The following ARHGAP6 variants were observed in gnomAD, a reference collection of about 807,000 sequenced individuals.
ARHGAP6 encodes rho GTPase-activating protein 6.
ARHGAP6 carries 16 observed loss-of-function variants against 55.7 expected under a neutral mutation model. The observed-to-expected ratio is 0.29, with a 90% CI of 0.19 to 0.44. The LOEUF is 0.44. Ranked by LOEUF, ARHGAP6 falls within the 20% of genes least tolerant of loss-of-function variation. The pLI, the probability that ARHGAP6 is intolerant of heterozygous loss-of-function variation, is 1.00. For synonymous variants in ARHGAP6, 382 were observed against 360.9 expected (o/e 1.06, Z -0.66); for missense variants, 698 against 808.9 (o/e 0.86, Z 1.66).
intron 2 of ARHGAP6, among the ~76,000 whole-genome samples, chrX:11,205,062 T>C (rs1602857676): frequency 9.0e-6 from 1 of 111,626 alleles, no homozygotes; most frequent in Admixed American, 9.5e-5. Context: ...AAGAAGTTAG[T>C]TGATCTTTCT....
chrX:11,233,467 T>C (rs1042836265), intron 2 of ARHGAP6, among the ~76,000 whole-genome samples: 1 of 111,094 alleles, frequency 9.0e-6, no homozygotes, highest in African/African-American at 3.3e-5. Context: ...CAGAGAAAGA[T>C]GTCTTATAGA....
chrX:11,606,484 C>A (rs754196755), intron 1 of ARHGAP6, among the ~76,000 whole-genome samples: 1 of 111,657 alleles, frequency 9.0e-6, no homozygotes, highest in East Asian at 2.8e-4. Flanking sequence ...CCATGCAGAT[C>A]CAAGGGTCTT....
At chrX:11,360,208 G>A (rs967017266) in intron 1 of ARHGAP6, among the ~76,000 whole-genome samples, 1 of 111,707 alleles carries the variant, frequency 9.0e-6, no homozygotes, top group Non-Finnish European at 1.9e-5. Context: ...AACCAACAAA[G>A]AGAATTTTAG....
intron 1 of ARHGAP6, among the ~76,000 whole-genome samples, chrX:11,355,931 C>A (rs2048925161): frequency 9.0e-6 from 1 of 111,110 alleles, no homozygotes; most frequent in African/African-American, 3.3e-5. Flanking sequence ...AGGCTCAAAC[C>A]AAACTTTGGA....
chrX:11,375,460 T>A (rs1044564916), intron 1 of ARHGAP6, among the ~76,000 whole-genome samples: 2 of 112,371 alleles, frequency 1.8e-5, no homozygotes, highest in African/African-American at 6.5e-5. Context: ...CCTAGGTAAT[T>A]TAGATCACTC....
At chrX:11,526,145 C>A (rs1026995317) in intron 1 of ARHGAP6, among the ~76,000 whole-genome samples, 1 of 111,491 alleles carries the variant, frequency 9.0e-6, no homozygotes, top group African/African-American at 3.3e-5. Flanking sequence ...GAAAGTGAGA[C>A]GAGGAAGGGA....
In ARHGAP6 at chrX:11,383,672, A is replaced by ACCT. The variant is rs773630087; in HGVS notation, c.589-128968_589-128966dup. Among the ~76,000 whole-genome samples the ACCT allele has an allele frequency of 2.7e-5, 3 of 111,212 alleles. No individual in the cohort carries two copies. The South Asian group carries it at 1.2e-3, about 43-fold the overall frequency. ...GAGGGTGACCTGCTCGTACATTTCT[A>ACCT]CCTCTTTTTAAAAGGCAACAAAATA... is the stretch of plus-strand genomic sequence containing the variant. On this transcript the variant is annotated intron_variant, in intron 1 of 12. Transcript: ENST00000337414.
chrX:11,347,269 A>T (rs1275542455), intron 1 of ARHGAP6, among the ~76,000 whole-genome samples: 1 of 112,297 alleles, frequency 8.9e-6, no homozygotes, highest in African/African-American at 3.2e-5. Flanking sequence ...TAAAGATGAT[A>T]TTTGTGTTTT....
intron 1 of ARHGAP6, among the ~76,000 whole-genome samples, chrX:11,609,346 C>T (rs1190331829): frequency 8.9e-6 from 1 of 111,736 alleles, no homozygotes; most frequent in Non-Finnish European, 1.9e-5. Flanking sequence ...GGGGCTCAAT[C>T]TTGTAAAGCA....
chrX:11,467,329 C>G (rs1321068705), intron 1 of ARHGAP6, among the ~76,000 whole-genome samples: 1 of 110,603 alleles, frequency 9.0e-6, no homozygotes, highest in African/African-American at 3.3e-5. Flanking sequence ...TCATGGCTCA[C>G]TGCACTCCAG....
intron 1 of ARHGAP6, among the ~76,000 whole-genome samples, chrX:11,519,401 T>C (rs1368991636): frequency 3.1e-4 from 34 of 109,482 alleles, no homozygotes; most frequent in African/African-American, 1.2e-3. Flanking sequence ...GTGAGCATTT[T>C]TTCATGTGTT....
Position 11,196,961 on chromosome X carries a change from G to C in ARHGAP6, c.784C>G (p.Leu262Val), listed in dbSNP as rs2046549970. The part of the protein sequence containing the change: ...QKRKKSLRKK[L>V]DSLGKEKNKD... ...TTTTTCTCCTTTCCTAGTGAATCCA[G>C]TTTCTTTCTTAAAGATTTCTTTCTC... Residue 262 changes from leucine to valine, a missense_variant, in exon 3 of 13, where the codon CTG becomes GTG. By Grantham distance (32) the Leu-to-Val change is conservative. Coordinates refer to ENST00000337414, the MANE Select transcript of ARHGAP6 (RefSeq NM_013427.3). The C allele has an allele frequency of 9.0e-7, 1 of 1,110,483 alleles. No homozygotes were observed. The allele number at this position is 1,110,483 out of a possible 1,213,427, so 91.5% of individuals were successfully genotyped here.
At chrX:11,426,871 C>A (rs929403578) in intron 1 of ARHGAP6, among the ~76,000 whole-genome samples, 1 of 110,328 alleles carries the variant, frequency 9.1e-6, no homozygotes, top group Non-Finnish European at 1.9e-5. Flanking sequence ...GCAGTACCTG[C>A]AGCACCTAGC....
chrX:11,423,321 C>T (rs183108426), intron 1 of ARHGAP6, among the ~76,000 whole-genome samples: 1 of 112,831 alleles, frequency 8.9e-6, no homozygotes, highest in East Asian at 2.8e-4. Flanking sequence ...AACTTAATGA[C>T]TTCAAAGTCT....
intron 1 of ARHGAP6, among the ~76,000 whole-genome samples, chrX:11,417,103 T>TATATAC (rs2049761512): frequency 1.3e-5 from 1 of 79,849 alleles, no homozygotes; most frequent in African/African-American, 4.8e-5. Context: ...TATATATATA[T>TATATAC]ATACACATAC....
chrX:11,263,704 CAT>C (rs1360223750), intron 1 of ARHGAP6, among the ~76,000 whole-genome samples: 2 of 111,244 alleles, frequency 1.8e-5, no homozygotes, highest in Non-Finnish European at 3.8e-5. Flanking sequence ...GACTGGTTGA[CAT>C]AGGTATAGCA....
chrX:11,343,597 G>A (rs1308713829), intron 1 of ARHGAP6, among the ~76,000 whole-genome samples: 2 of 111,573 alleles, frequency 1.8e-5, no homozygotes, highest in African/African-American at 6.5e-5. Context: ...TAGTCCCTAG[G>A]AGAGAAATGT....
At chrX:11,554,112 T>C (rs746272296) in intron 1 of ARHGAP6, among the ~76,000 whole-genome samples, 1 of 112,016 alleles carries the variant, frequency 8.9e-6, no homozygotes, top group South Asian at 3.7e-4. Flanking sequence ...CATTCCACCA[T>C]AAAAAAAGAA....
intron 1 of ARHGAP6, among the ~76,000 whole-genome samples, chrX:11,627,730 G>T (rs1055196806): frequency 1.3e-4 from 15 of 111,512 alleles, no homozygotes; most frequent in African/African-American, 4.9e-4. Context: ...GTAAAGTGGA[G>T]AATTAACATT....
Sources: allele counts gnomAD v4.1 joint callset (sites outside exome capture counted in the v4.1 genomes callset), GRCh38; gene constraint gnomAD v4.1.1; transcripts MANE v1.5; gene names NCBI Gene and HGNC (gene_info 2026-07-23, HGNC 2026-07-21).